Variants in TRAPPC9 observed in about 807,000 individuals in gnomAD.
TRAPPC9 encodes the protein IKK2 binding protein.
Under a neutral mutation model 124.0 loss-of-function variants are expected in TRAPPC9, and 83 were observed. The ratio of observed to expected loss-of-function variants is 0.67; its 90% CI spans 0.56 to 0.80. The LOEUF (loss-of-function observed/expected upper bound fraction) is 0.80, where lower values mean the gene tolerates loss of function less well. TRAPPC9 is among the 30% of genes least tolerant of loss of function. The pLI is 0.00. For synonymous variants in TRAPPC9, 638 were observed against 617.5 expected, an observed-to-expected ratio of 1.03 and a Z score of -0.49; for missense variants, 1,302 against 1,508.3, an observed-to-expected ratio of 0.86 and a Z score of 2.27.
intron 17 of TRAPPC9, among the ~76,000 whole-genome samples, chr8:140,116,233 G>A (rs2060885504): frequency 6.6e-6 from 1 of 152,190 alleles, no homozygotes; most frequent in Non-Finnish European, 1.5e-5. Context: ...AGTAGGGTGA[G>A]ATGTGATCGT....
intron 17 of TRAPPC9, among the ~76,000 whole-genome samples, chr8:140,115,813 A>T (rs2060873120): frequency 1.3e-5 from 2 of 152,120 alleles, no homozygotes; most frequent in Admixed American, 6.5e-5. Context: ...GTCACTGAGG[A>T]TGCTGTGCCC....
intron 17 of TRAPPC9, among the ~76,000 whole-genome samples, chr8:140,086,264 G>A (rs184714702): frequency 6.6e-6 from 1 of 152,306 alleles, no homozygotes; most frequent in African/African-American, 2.4e-5. Flanking sequence ...GGGGAGAGAG[G>A]AGATGGTGGG....
intron 21 of TRAPPC9, among the ~76,000 whole-genome samples, chr8:139,872,440 G>A (rs1829002197): frequency 7.0e-6 from 1 of 141,948 alleles, no homozygotes; most frequent in East Asian, 2.3e-4. Context: ...TGGTGGATGG[G>A]TTGGTGGGTA....
chr8:139,943,402 A>G (rs866547854), intron 19 of TRAPPC9, among the ~76,000 whole-genome samples: 4 of 152,318 alleles, frequency 2.6e-5, no homozygotes, highest in Middle Eastern at 3.4e-3. Flanking sequence ...AACAAAGATA[A>G]ACAACTGCTA....
chr8:139,978,089 G>A (rs1344939280), intron 19 of TRAPPC9, among the ~76,000 whole-genome samples: 1 of 152,098 alleles, frequency 6.6e-6, no homozygotes, highest in African/African-American at 2.4e-5. Context: ...TGTTGGCCAG[G>A]CTGGTCTCGA....
intron 16 of TRAPPC9, chr8:140,238,428 TGCTCCTGAGA>T: frequency 6.6e-6 from 1 of 152,312 alleles, no homozygotes; most frequent in East Asian, 1.9e-4. Flanking sequence ...ACCAGGAAGG[TGCTCCTGAGA>T]GCTCCAGGGA....
chr8:140,176,654 T>C (rs549128617), intron 17 of TRAPPC9, among the ~76,000 whole-genome samples: 1 of 152,348 alleles, frequency 6.6e-6, no homozygotes, highest in East Asian at 1.9e-4. Flanking sequence ...ATCCGTGTTT[T>C]CATTTTCCTA....
chr8:140,143,725 C>A (rs1003940275), intron 17 of TRAPPC9, among the ~76,000 whole-genome samples: 1 of 152,156 alleles, frequency 6.6e-6, no homozygotes, highest in African/African-American at 2.4e-5. Flanking sequence ...TTGTTAGTGG[C>A]ATTTCAAATT....
rs549730593 is a variant in TRAPPC9 at position 140,374,348 on chromosome 8, T to A, written c.1135-3168A>T. Among the ~76,000 whole-genome samples the A allele has an allele frequency of 2.0e-5, 3 of 152,298 alleles. No individual in the cohort carries two copies. The South Asian group carries it at 6.2e-4, about 32-fold the overall frequency. On this transcript the variant is annotated intron_variant, in intron 7 of 22. Coordinates refer to ENST00000438773, the MANE Select transcript of TRAPPC9 (RefSeq NM_001160372.4). The stretch of plus-strand genomic sequence containing the variant: ...ACTTTGGGAGGCCGAGGCAGGCAGA[T>A]CACCTGAGGTTGGGAGTTCGAGACC...
rs186148409 is a variant in TRAPPC9 at position 140,214,623 on chromosome 8, A to G, written c.2556+6836T>C. Among the ~76,000 whole-genome samples the G allele has an allele frequency of 1.1e-3, 169 of 152,300 alleles. No homozygotes were observed. The Middle Eastern group carries it at 0.014, about 12-fold the overall frequency. On this transcript the variant is annotated intron_variant, in intron 17 of 22. Coordinates refer to ENST00000438773, the MANE Select transcript of TRAPPC9 (RefSeq NM_001160372.4). The stretch of plus-strand genomic sequence containing the variant: ...CCTATGAAGGAAGCATTGTCGTTCA[A>G]TTTTACAGAGGGGGATGCTGAGAGT...
At chr8:140,294,319 G>GCCCGCCTGAC (rs2065746010) in intron 11 of TRAPPC9, among the ~76,000 whole-genome samples, 1 of 152,032 alleles carries the variant, frequency 6.6e-6, no homozygotes. Context: ...CATGCTCCCA[G>GCCCGCCTGAC]CCCGCCTGAC....
chr8:140,016,798 A>G (rs1839493667), intron 18 of TRAPPC9, among the ~76,000 whole-genome samples: 1 of 152,168 alleles, frequency 6.6e-6, no homozygotes, highest in African/African-American at 2.4e-5. Context: ...TTCTCTTGAG[A>G]AAATATCTAG....
At chr8:139,774,569 C>T (rs1471144323) in intron 21 of TRAPPC9, among the ~76,000 whole-genome samples, 4 of 152,306 alleles carry the variant, frequency 2.6e-5, no homozygotes, top group Admixed American at 6.5e-5. Flanking sequence ...AGCTGTGCCG[C>T]GTCCTCCCTC....
intron 17 of TRAPPC9, among the ~76,000 whole-genome samples, chr8:140,044,202 GACAA>G (rs1169033545): frequency 1.3e-5 from 2 of 148,548 alleles, no homozygotes; most frequent in Non-Finnish European, 3.0e-5. Context: ...TCAACTACTG[GACAA>G]ACATTCACTG....
chr8:139,964,374 A>G (rs113177582), intron 19 of TRAPPC9, among the ~76,000 whole-genome samples: 128 of 152,292 alleles, frequency 8.4e-4, no homozygotes, highest in African/African-American at 2.0e-3. Flanking sequence ...CAATCAGTTC[A>G]TAGCCAACTC....
chr8:139,730,867 G>A lies in TRAPPC9; in HGVS notation c.*194C>T, dbSNP rs1817768292. The stretch of plus-strand genomic sequence containing the variant: ...GTAGGAAGGGGCGTGGCATGGGGTG[G>A]GGCTGCCATGTCCGGGGCTTCTGCG... On this transcript the variant is annotated 3_prime_UTR_variant, in exon 23 of 23. Coordinates refer to ENST00000438773, the MANE Select transcript of TRAPPC9 (RefSeq NM_001160372.4). The A allele has an allele frequency of 3.2e-6, 2 of 629,234 alleles. No individual in the cohort carries two copies. The highest frequency in any genetic ancestry group is 5.6e-5 in the Admixed American group (2 of 35,766). 39.0% of individuals were successfully genotyped at this position (629,234 alleles called of 1,614,324 possible). A position where few individuals can be genotyped will look rare whatever the true frequency, so the allele number is the denominator to read the frequency against.
chr8:140,413,394 AT>A (rs1202384281), intron 5 of TRAPPC9, among the ~76,000 whole-genome samples: 4 of 152,228 alleles, frequency 2.6e-5, no homozygotes, highest in East Asian at 1.9e-4. Context: ...CTCAAAAAAA[AT>A]AATAATAAAT....
At chr8:140,348,360 C>T (rs957951490) in intron 9 of TRAPPC9, among the ~76,000 whole-genome samples, 3 of 152,166 alleles carry the variant, frequency 2.0e-5, no homozygotes, top group Admixed American at 2.0e-4. Context: ...AGAAAAAATC[C>T]AACCTTGCAA....
Position 140,328,262 on chromosome 8 carries a change from A to AAATTAATT in TRAPPC9, c.1496-16896_1496-16889dup, listed in dbSNP as rs149409666. 3.3e-5 allele frequency among the ~76,000 whole-genome samples: 5 copies of AAATTAATT among 152,236 alleles called. No homozygotes were observed. In the South Asian group the frequency reaches 1.0e-3, roughly 32 times the overall value. On this transcript the variant is annotated intron_variant, in intron 9 of 22. Transcript: ENST00000438773. ...AGAGCGAAAGTCCGTCTCAAAAACA[A>AAATTAATT]AATTAATTAATTAATTAATTAATAA...
Sources: gnomAD v4.1 joint callset for allele counts (sites outside exome capture counted in the v4.1 genomes callset) on GRCh38, gnomAD v4.1.1 for gene constraint, MANE v1.5 for transcripts, NCBI Gene and HGNC (gene_info 2026-07-23, HGNC 2026-07-21) for gene names.